Variants in MRTFB observed in about 807,000 individuals in gnomAD.
MRTFB encodes myocardin-related transcription factor B.
A neutral mutation model predicts 104.2 loss-of-function variants in MRTFB; 29 were observed. The ratio of observed to expected loss-of-function variants is 0.28; its 90% confidence interval spans 0.21 to 0.38. The LOEUF (loss-of-function observed/expected upper bound fraction) is 0.38. MRTFB is among the 10% of genes least tolerant of loss of function. MRTFB has a pLI of 1.00. For synonymous variants in MRTFB, 535 were observed against 519.5 expected (o/e 1.03, Z -0.41); for missense variants, 1,270 against 1,341.6 (o/e 0.95, Z 0.83).
At chr16:14,166,235 T>G (rs1327822513) in intron 3 of MRTFB, among the ~76,000 whole-genome samples, 2 of 149,810 alleles carry the variant, frequency 1.3e-5, no homozygotes, top group Non-Finnish European at 3.0e-5. Context: ...TTTTTTTTTT[T>G]GCCAACATCT....
chr16:14,171,538 G>A (rs957508347), intron 3 of MRTFB, among the ~76,000 whole-genome samples: 1 of 151,316 alleles, frequency 6.6e-6, no homozygotes, highest in Non-Finnish European at 1.5e-5. Context: ...CTCTGTTTCT[G>A]GCACTATCAC....
the MRTFB span, among the ~76,000 whole-genome samples, chr16:14,022,968 T>C: frequency 2.0e-5 from 3 of 151,902 alleles, no homozygotes; most frequent in African/African-American, 7.2e-5. Context: ...AGTGCTGAGA[T>C]TATAGGCGTG....
At chr16:14,266,778 G>A (rs764290512), downstream of MRTFB, 5 of 152,198 alleles carry the variant, frequency 3.3e-5, no homozygotes, top group Non-Finnish European at 5.9e-5. Context: ...GATGTACTAT[G>A]ATTCTTGCTG....
chr16:14,198,442 T>C (rs2040535316), intron 3 of MRTFB, among the ~76,000 whole-genome samples: 1 of 152,270 alleles, frequency 6.6e-6, no homozygotes, highest in African/African-American at 2.4e-5. Flanking sequence ...CTAAATGTTC[T>C]AATTTTGTAT....
chr16:14,139,480 C>T (rs2037886283), intron 2 of MRTFB, among the ~76,000 whole-genome samples: 1 of 152,188 alleles, frequency 6.6e-6, no homozygotes, highest in South Asian at 2.1e-4. Context: ...GGTACAACCA[C>T]TTTAGAAAAC....
chr16:14,175,747 A>G (rs2039559524), intron 3 of MRTFB, among the ~76,000 whole-genome samples: 1 of 152,210 alleles, frequency 6.6e-6, no homozygotes, highest in Admixed American at 6.5e-5. Flanking sequence ...TAAACAAAAT[A>G]TGGTATATCC....
intron 3 of MRTFB, chr16:14,186,860 T>C: frequency 7.5e-6 from 12 of 1,597,214 alleles, no homozygotes; most frequent in Non-Finnish European, 1.0e-5. Flanking sequence ...TTCGCTCTTC[T>C]GCAAATTAAG....
chr16:14,234,777 A>T (rs1174969730), intron 9 of MRTFB, among the ~76,000 whole-genome samples: 1 of 152,174 alleles, frequency 6.6e-6, no homozygotes, highest in Non-Finnish European at 1.5e-5. Context: ...CTTGGGTGAC[A>T]GAGCAAGACC....
chr16:14,199,342 T>A (rs1365776384), intron 3 of MRTFB, among the ~76,000 whole-genome samples: 1 of 152,206 alleles, frequency 6.6e-6, no homozygotes, highest in Non-Finnish European at 1.5e-5. Flanking sequence ...TTTCTTTTCC[T>A]CTCTATTTAT....
chr16:14,005,303 T>C, the MRTFB span, among the ~76,000 whole-genome samples: 1 of 152,162 alleles, frequency 6.6e-6, no homozygotes, highest in Non-Finnish European at 1.5e-5. Context: ...AAGTTGAGGC[T>C]CTTAAAGTCA....
At chr16:14,111,866 A>C (rs1030225307) in intron 2 of MRTFB, among the ~76,000 whole-genome samples, 2 of 152,114 alleles carry the variant, frequency 1.3e-5, no homozygotes, top group African/African-American at 4.8e-5. Flanking sequence ...TGAGAAGAGA[A>C]CATCTGCAGA....
intron 3 of MRTFB, among the ~76,000 whole-genome samples, chr16:14,164,226 C>G (rs1180945583): frequency 6.6e-6 from 1 of 152,122 alleles, no homozygotes; most frequent in African/African-American, 2.4e-5. Flanking sequence ...ACTGCCACAC[C>G]CTTCTCAGCC....
At chr16:14,100,313 G>C (rs9926109) in intron 2 of MRTFB, among the ~76,000 whole-genome samples, 20,947 of 152,132 alleles carry the variant, frequency 0.14, 3,411 homozygotes, top group African/African-American at 0.39. Context: ...AATCAGGAAT[G>C]GATGTTGGAT....
At chr16:14,129,860 G>C (rs376808960) in intron 2 of MRTFB, among the ~76,000 whole-genome samples, 1 of 151,978 alleles carries the variant, frequency 6.6e-6, no homozygotes, top group African/African-American at 2.4e-5. Flanking sequence ...ATGGAGTTTC[G>C]CTCTGTTGCC....
At chr16:14,239,275 T>C (rs1022112357) in intron 9 of MRTFB, among the ~76,000 whole-genome samples, 2 of 152,226 alleles carry the variant, frequency 1.3e-5, no homozygotes, top group Non-Finnish European at 2.9e-5. Flanking sequence ...ACAAGAATGT[T>C]AATAGTCACA....
the MRTFB span, among the ~76,000 whole-genome samples, chr16:14,008,387 T>C: frequency 6.6e-6 from 1 of 152,224 alleles, no homozygotes; most frequent in African/African-American, 2.4e-5. Flanking sequence ...TTGTTTATGG[T>C]GTGAGTTAAG....
chr16:14,232,565 C>G (rs912998461), intron 8 of MRTFB, among the ~76,000 whole-genome samples: 4 of 152,156 alleles, frequency 2.6e-5, no homozygotes, highest in Admixed American at 6.5e-5. Flanking sequence ...AAAGTAAGGT[C>G]CTTCATATTG....
At chr16:14,077,290 A>G (rs930441146) in intron 1 of MRTFB, among the ~76,000 whole-genome samples, 2 of 152,178 alleles carry the variant, frequency 1.3e-5, no homozygotes, top group African/African-American at 4.8e-5. Flanking sequence ...TCAGAGTGAT[A>G]TATAATTCAA....
rs10616011 is a variant in MRTFB, at chr16:14,193,210, C to CA, written c.155-17004dup. Among the ~76,000 whole-genome samples the CA allele has an allele frequency of 6.4e-3, 362 of 56,440 alleles. 51 individuals are homozygous for CA. The highest frequency in any genetic ancestry group is 0.034 in the Middle Eastern group (2 of 58). 37.0% of individuals were successfully genotyped at this position (56,440 alleles called of 152,430 possible). ...CCTGGGCAACAGTGAGACCCTGTCTCAAAAAAAAAAAAAAAAAAAAAAAAA... is the reference window on the plus strand; with the variant it reads ...CCTGGGCAACAGTGAGACCCTGTCTCAAAAAAAAAAAAAAAAAAAAAAAAAA... On this transcript the variant is annotated intron_variant, in intron 3 of 16. Coordinates refer to ENST00000571589, the MANE Select transcript of MRTFB (RefSeq NM_001308142.2).
Sources: allele counts gnomAD v4.1 joint callset (sites outside exome capture counted in the v4.1 genomes callset), GRCh38; gene constraint gnomAD v4.1.1; transcripts MANE v1.5; gene names NCBI Gene and HGNC (gene_info 2026-07-23, HGNC 2026-07-21).